The following SHPRH variants were observed in gnomAD, a reference collection of about 807,000 sequenced individuals.
SHPRH encodes E3 ubiquitin-protein ligase SHPRH.
A neutral mutation model predicts 202.5 loss-of-function variants in SHPRH; 106 were observed. The observed-to-expected ratio is 0.52, with a 90% confidence interval of 0.45 to 0.62. The LOEUF is 0.62. Among genes scored for constraint, SHPRH ranks in the 20% least tolerant of loss-of-function variants. The pLI, the probability that SHPRH is intolerant of heterozygous loss-of-function variation, is 0.00. For missense variants in SHPRH, 1,710 were observed against 2,020.0 expected (o/e 0.85, Z 2.94); for synonymous variants, 729 against 686.0 (o/e 1.06, Z -0.98).
In SHPRH at chr6:145,953,904, C is replaced by T. The variant is rs577503314; in HGVS notation, c.633+786G>A. Among the ~76,000 whole-genome samples the T allele has an allele frequency of 1.2e-3, 177 of 151,568 alleles. 2 individuals are homozygous for T. Among genetic ancestry groups the T allele is most frequent in the Non-Finnish European group, 3.2e-4 (22 of 67,852 alleles). On this transcript the variant is annotated intron_variant, in intron 2 of 29. Transcript: ENST00000275233. ...CATTCATCTACTGAAAATTTAGGTA[C>T]CAGGTACTTTACTAGGCTGTAAAGA... is the stretch of plus-strand genomic sequence containing the variant.
chr6:145,904,483 G>A (rs10447450), intron 25 of SHPRH: 12,783 of 152,186 alleles, frequency 0.084, 653 homozygotes, highest in South Asian at 0.12. Context: ...GATCATTTAT[G>A]TGGAAGTTTC....
intron 11 of SHPRH, among the ~76,000 whole-genome samples, chr6:145,938,910 A>G (rs1786421448): frequency 6.6e-6 from 1 of 152,186 alleles, no homozygotes; most frequent in African/African-American, 2.4e-5. Context: ...AGATGACATT[A>G]TTTCAGTCTG....
chr6:145,923,100 C>T (rs1022759397), intron 18 of SHPRH, among the ~76,000 whole-genome samples: 14 of 151,822 alleles, frequency 9.2e-5, no homozygotes, highest in African/African-American at 3.4e-4. Flanking sequence ...ATGTCTGTCT[C>T]AGATATCTTT....
chr6:145,919,789 AAT>A (rs1784276236), intron 21 of SHPRH, among the ~76,000 whole-genome samples: 1 of 152,168 alleles, frequency 6.6e-6, no homozygotes, highest in African/African-American at 2.4e-5. Flanking sequence ...ATTTTTTAAA[AAT>A]AGTTTTATTA....
chr6:145,950,563 A>G lies in SHPRH; in HGVS notation c.764-81T>C, dbSNP rs117392734. Reference sequence around the variant, plus strand: ...GCAATTCTTATTCTAAGAGCATACAATGAACTTGCCCAACTCTGGGGCCTT... The same window carrying G: ...GCAATTCTTATTCTAAGAGCATACAGTGAACTTGCCCAACTCTGGGGCCTT... On this transcript the variant is annotated intron_variant, in intron 3 of 29. Coordinates refer to ENST00000275233, the MANE Select transcript of SHPRH (RefSeq NM_001042683.3). The G allele has an allele frequency of 3.5e-3, 4,713 of 1,364,736 alleles. 113 individuals carry two copies. The East Asian group carries it at 0.065, about 19-fold the overall frequency. The allele number at this position is 1,364,736 out of a possible 1,614,324, so 84.5% of individuals were successfully genotyped here.
intron 2 of SHPRH, among the ~76,000 whole-genome samples, chr6:145,867,078 G>A (rs917227570): frequency 6.6e-6 from 1 of 152,100 alleles, no homozygotes; most frequent in Non-Finnish European, 1.5e-5. Context: ...ACTTTTAAAT[G>A]GGAAGTTAAA....
At chr6:145,865,669 C>T (rs187102530) in intron 2 of SHPRH, among the ~76,000 whole-genome samples, 118 of 152,278 alleles carry the variant, frequency 7.7e-4, no homozygotes, top group Admixed American at 1.4e-3. Context: ...AGTTCTGAAG[C>T]GGGCTTCATT....
chr6:145,878,389 T>C (rs939526817), intron 2 of SHPRH, among the ~76,000 whole-genome samples: 9 of 152,188 alleles, frequency 5.9e-5, no homozygotes, highest in Non-Finnish European at 1.3e-4. Flanking sequence ...ATGACATATA[T>C]CCACCCGTGT....
chr6:145,910,334 C>G, intron 25 of SHPRH, 114 bp downstream of exon 25: 2 of 1,155,984 alleles, frequency 1.7e-6, no homozygotes, highest in Non-Finnish European at 2.5e-6. Flanking sequence ...ACAACAGTGG[C>G]GTCTACCTAT....
chr6:145,865,935 A>T (rs539345810), intron 2 of SHPRH, among the ~76,000 whole-genome samples: 1 of 152,340 alleles, frequency 6.6e-6, no homozygotes, highest in African/African-American at 2.4e-5. Context: ...AACAAACCTG[A>T]ATTTGGTGTC....
rs371754165 is a variant in SHPRH, at chr6:145,950,295, T to C, written c.951A>G (p.Gln317=). 1.1e-4 allele frequency: 176 copies of C among 1,612,924 alleles called. No individual in the cohort carries two copies. Among genetic ancestry groups the C allele is most frequent in the Middle Eastern group, 1.6e-4 (1 of 6,070 alleles). Residue 317 remains glutamine, a synonymous_variant, in exon 4 of 30, where the codon CAA becomes CAG. Coordinates refer to ENST00000275233, the MANE Select transcript of SHPRH (RefSeq NM_001042683.3). Reference sequence around the variant, plus strand: ...CAGGACTGCTTCTGAAACACTCTTGTTGTAGCATCCAATTGACAGCCTCTC... The same window carrying C: ...CAGGACTGCTTCTGAAACACTCTTGCTGTAGCATCCAATTGACAGCCTCTC... The part of the protein sequence containing the change: ...YQREAVNWML[Q]QECFRSSPAT...
At chr6:145,911,264 G>C (rs927240429) in intron 24 of SHPRH, among the ~76,000 whole-genome samples, 2 of 152,002 alleles carry the variant, frequency 1.3e-5, no homozygotes, top group African/African-American at 4.8e-5. Context: ...AGCCTCTTGA[G>C]TAGCTGGGAT....
intron 25 of SHPRH, chr6:145,906,781 C>T (rs527545461): frequency 6.6e-6 from 1 of 152,238 alleles, no homozygotes; most frequent in South Asian, 2.1e-4. Context: ...TCCCAATCTG[C>T]TTTCTGCCTC....
chr6:145,942,003 C>T (rs1786834351), intron 9 of SHPRH, 129 bp from the exon 10 acceptor site: 1 of 1,092,928 alleles, frequency 9.1e-7, no homozygotes, highest in Non-Finnish European at 1.3e-6. Flanking sequence ...AGACAGATCC[C>T]ATACCTGTTT....
At position 145,893,343 on chromosome 6, in the gene SHPRH, C is replaced by A; in HGVS notation, c.4746G>T (p.Leu1582=). The change falls in exon 28 of 30, where the codon CTG becomes CTT. Residue 1582 remains leucine, a synonymous_variant. Transcript: ENST00000275233. The part of the protein sequence containing the change: ...KRDPQINILL[L]PLHTGSNGLT... ...ATCCATTAGAACCTGTGTGCAGGGGCAGCAGCAAAATATTGATTTGGGGAT... is the reference window on the plus strand; with the variant it reads ...ATCCATTAGAACCTGTGTGCAGGGGAAGCAGCAAAATATTGATTTGGGGAT... The A allele has an allele frequency of 6.3e-7, 1 of 1,597,440 alleles. No homozygotes were observed. Among genetic ancestry groups the A allele is most frequent in the Non-Finnish European group, 8.5e-7 (1 of 1,173,888 alleles).
downstream of SHPRH, among the ~76,000 whole-genome samples, chr6:145,859,268 TTCTCTGGAAGTTTAGTTGTTACATGTC>T (rs1333270085): frequency 8.5e-5 from 13 of 152,050 alleles, no homozygotes; most frequent in African/African-American, 2.7e-4. Flanking sequence ...AATTGTAATT[TTCTCTGGAAGTTTAGTTGTTACATGTC>T]TCTAATTGAT....
rs1342517971 is a variant in SHPRH, at chr6:145,935,071, G to A, written c.2826C>T (p.Cys942=). Residue 942 remains cysteine, a synonymous_variant, in exon 13 of 30, where the codon TGC becomes TGT. Coordinates refer to ENST00000275233, the MANE Select transcript of SHPRH (RefSeq NM_001042683.3). ...TCCTGAGTTTTACCACCACATCCTG[G>A]CAGCACACCTCATGCTGACGGTGAT... ...HFYHRQHEVC[C]QDVVVKLRKI... 16 of 1,613,708 alleles carry A rather than the reference G, an allele frequency of 9.9e-6. No homozygotes were observed. The highest frequency in any genetic ancestry group is 1.4e-5 in the Non-Finnish European group (16 of 1,179,974).
At chr6:145,928,820 G>A (rs946726140) in intron 14 of SHPRH, among the ~76,000 whole-genome samples, 6 of 151,890 alleles carry the variant, frequency 4.0e-5, no homozygotes, top group African/African-American at 1.4e-4. Flanking sequence ...AAGAACTGTA[G>A]TCAGCCAATT....
chr6:145,924,745 T>C lies in SHPRH; in HGVS notation c.3396A>G (p.Gln1132=), dbSNP rs763468333. 2 of 1,611,214 alleles carry C rather than the reference T, an allele frequency of 1.2e-6. No homozygotes were observed. The highest frequency in any genetic ancestry group is 1.3e-5 in the African/African-American group (1 of 74,850). Residue 1132 remains glutamine, a synonymous_variant, in exon 17 of 30, where the codon CAA becomes CAG. Transcript: ENST00000275233. The part of the protein sequence containing the change: ...YPVQQTIHEL[Q]RKIHSNSPWW... Reference sequence around the variant, plus strand: ...ACACTGCATTTTGGCATACCTTTCTTTGAAGCTCATGGATGGTCTGCTGCA... The same window carrying C: ...ACACTGCATTTTGGCATACCTTTCTCTGAAGCTCATGGATGGTCTGCTGCA...
Sources: allele counts gnomAD v4.1 joint callset (sites outside exome capture counted in the v4.1 genomes callset), GRCh38; gene constraint gnomAD v4.1.1; transcripts MANE v1.5; gene names NCBI Gene and HGNC (gene_info 2026-07-23, HGNC 2026-07-21).